Variants in FSHR observed in about 807,000 individuals in gnomAD.
FSHR encodes the protein follicle stimulating hormone receptor, also known as follicle-stimulating hormone receptor.
A neutral mutation model predicts 52.1 loss-of-function variants in FSHR; 46 were observed. That is an observed-to-expected ratio of 0.88 (90% CI 0.70 to 1.13). The LOEUF (loss-of-function observed/expected upper bound fraction) is 1.13. FSHR is among the 50% of genes most tolerant of loss of function. The pLI is 0.00. For synonymous variants in FSHR, 399 were observed against 309.6 expected (o/e 1.29, Z -3.03); for missense variants, 964 against 834.6 (o/e 1.16, Z -1.91).
intron 2 of FSHR, among the ~76,000 whole-genome samples, chr2:49,037,266 G>A (rs1668301487): frequency 6.6e-6 from 1 of 152,184 alleles, no homozygotes; most frequent in Non-Finnish European, 1.5e-5. Flanking sequence ...TAGGCACAGT[G>A]ACCTCAAGAA....
chr2:49,124,668 G>A (rs1671938751), intron 1 of FSHR, among the ~76,000 whole-genome samples: 1 of 152,032 alleles, frequency 6.6e-6, no homozygotes, highest in Admixed American at 6.6e-5. Context: ...ACTATGCCCA[G>A]AATCCGACCC....
chr2:49,061,256 C>G (rs1340794389), intron 2 of FSHR, among the ~76,000 whole-genome samples: 1 of 152,090 alleles, frequency 6.6e-6, no homozygotes, highest in Non-Finnish European at 1.5e-5. Flanking sequence ...GCCTGGGACC[C>G]TGCCCCCATA....
intron 6 of FSHR, 54 bp from the exon 7 acceptor site, chr2:48,983,220 G>T: frequency 6.5e-7 from 1 of 1,532,558 alleles, no homozygotes; most frequent in South Asian, 1.1e-5. Flanking sequence ...AACAATACAC[G>T]GGTTTCATAA....
intron 1 of FSHR, among the ~76,000 whole-genome samples, chr2:49,099,773 A>G (rs1670958396): frequency 6.6e-6 from 1 of 152,136 alleles, no homozygotes; most frequent in South Asian, 2.1e-4. Flanking sequence ...ACCAGAAGCT[A>G]AGAAAGAGGC....
At chr2:48,988,437 G>C (rs1387670199) in intron 6 of FSHR, among the ~76,000 whole-genome samples, 2 of 152,162 alleles carry the variant, frequency 1.3e-5, no homozygotes, top group African/African-American at 4.8e-5. Flanking sequence ...GCATAAAAGA[G>C]TAGAAGGTCT....
At chr2:49,016,814 G>A (rs1265507150) in intron 4 of FSHR, among the ~76,000 whole-genome samples, 3 of 152,066 alleles carry the variant, frequency 2.0e-5, no homozygotes, top group African/African-American at 4.8e-5. Flanking sequence ...AACAATATGC[G>A]AGGTTAAGTC....
intron 9 of FSHR, among the ~76,000 whole-genome samples, chr2:48,964,743 C>T (rs1004849214): frequency 2.0e-5 from 3 of 152,154 alleles, no homozygotes; most frequent in African/African-American, 7.2e-5. Flanking sequence ...CTTGGGCTCA[C>T]TTTACTGTCT....
intron 6 of FSHR, among the ~76,000 whole-genome samples, chr2:48,984,002 C>A (rs1018021846): frequency 4.6e-5 from 7 of 152,068 alleles, no homozygotes; most frequent in African/African-American, 1.4e-4. Context: ...GAGAGCTTAG[C>A]CCGAAGAACC....
In FSHR at chr2:49,085,965, G is replaced by C. The variant is rs553661785; in HGVS notation, c.153-17675C>G. ...AACATCACACACTGGGGCCTGTTGT[G>C]GGGGGGGGGAGTGGGGAGGGATAGC... is the stretch of plus-strand genomic sequence containing the variant. On this transcript the variant is annotated intron_variant, in intron 1 of 9. Coordinates refer to ENST00000406846, the MANE Select transcript of FSHR (RefSeq NM_000145.4). Among the ~76,000 whole-genome samples the C allele has an allele frequency of 6.9e-3, 1,010 of 146,272 alleles. 15 individuals carry two copies. Among genetic ancestry groups the C allele is most frequent in the Middle Eastern group, 0.031 (9 of 286 alleles).
chr2:48,995,180 A>G (rs1675970211), intron 4 of FSHR, among the ~76,000 whole-genome samples: 1 of 152,054 alleles, frequency 6.6e-6, no homozygotes, highest in South Asian at 2.1e-4. Context: ...TCCTTCCAAT[A>G]AAATCTCTGT....
At chr2:49,021,516 A>G (rs556399765) in intron 2 of FSHR, among the ~76,000 whole-genome samples, 10 of 151,908 alleles carry the variant, frequency 6.6e-5, no homozygotes, top group African/African-American at 2.4e-4. Flanking sequence ...GAGTTCTAGA[A>G]AGGCTCTTGA....
At chr2:49,064,249 T>G (rs1384528255) in intron 2 of FSHR, among the ~76,000 whole-genome samples, 2 of 125,174 alleles carry the variant, frequency 1.6e-5, no homozygotes, top group Non-Finnish European at 3.7e-5. Context: ...GTGCTCTGGT[T>G]TAAATATTTT....
intron 8 of FSHR, among the ~76,000 whole-genome samples, chr2:48,977,586 T>C (rs1242622204): frequency 1.3e-5 from 2 of 152,214 alleles, no homozygotes; most frequent in Non-Finnish European, 1.5e-5. Context: ...TGTGACATGA[T>C]GACAAGGGTT....
intron 1 of FSHR, among the ~76,000 whole-genome samples, chr2:49,089,116 T>A (rs1284619595): frequency 9.3e-6 from 1 of 107,154 alleles, no homozygotes; most frequent in Admixed American, 9.0e-5. Context: ...ATATAATATT[T>A]ATTTATATGA....
chr2:49,138,460 A>G (rs1270209656), intron 1 of FSHR, among the ~76,000 whole-genome samples: 1 of 152,212 alleles, frequency 6.6e-6, no homozygotes, highest in Non-Finnish European at 1.5e-5. Context: ...CCAAATGTCC[A>G]TCAACAGATG....
chr2:49,103,967 G>A (rs1671131766), intron 1 of FSHR, among the ~76,000 whole-genome samples: 1 of 127,570 alleles, frequency 7.8e-6, no homozygotes, highest in South Asian at 2.6e-4. Context: ...TGACTAGGTG[G>A]GCTATGTTTT....
chr2:48,994,293 A>G (rs1009857904), intron 4 of FSHR, among the ~76,000 whole-genome samples: 1 of 152,204 alleles, frequency 6.6e-6, no homozygotes, highest in Non-Finnish European at 1.5e-5. Context: ...AGAATTCATG[A>G]TTGCTCAATA....
chr2:49,048,070 G>C (rs945540153), intron 2 of FSHR, among the ~76,000 whole-genome samples: 7 of 152,110 alleles, frequency 4.6e-5, no homozygotes, highest in Admixed American at 4.6e-4. Flanking sequence ...ATTTTTAGTA[G>C]AGATGGGCTT....
intron 1 of FSHR, among the ~76,000 whole-genome samples, chr2:49,084,181 A>G (rs1670286595): frequency 6.6e-6 from 1 of 152,224 alleles, no homozygotes; most frequent in Admixed American, 6.5e-5. Context: ...AGAACTCAGC[A>G]TTAAGAATCT....
Sources: allele counts gnomAD v4.1 joint callset (sites outside exome capture counted in the v4.1 genomes callset), GRCh38; gene constraint gnomAD v4.1.1; transcripts MANE v1.5; gene names NCBI Gene and HGNC (gene_info 2026-07-23, HGNC 2026-07-21).